Variants in CCDC192 observed in about 807,000 individuals in gnomAD.
The protein encoded by CCDC192 is coiled-coil domain-containing protein 192.
At chr5:127,926,996 G>C (rs780679549) in intron 6 of CCDC192, among the ~76,000 whole-genome samples, 21 of 152,170 alleles carry the variant, frequency 1.4e-4, no homozygotes, top group Non-Finnish European at 2.8e-4. Context: ...CAAATGTTTA[G>C]AGGTCAAGTA....
chr5:127,743,105 A>T (rs1402589493), intron 2 of CCDC192, among the ~76,000 whole-genome samples: 1 of 151,988 alleles, frequency 6.6e-6, no homozygotes, highest in East Asian at 1.9e-4. Context: ...ACAGGAGAAG[A>T]GGGGATGAGA....
At chr5:127,797,289 A>G in intron 4 of CCDC192, 55 bp downstream of exon 4, 1 of 392,338 alleles carries the variant, frequency 2.5e-6, no homozygotes, top group Non-Finnish European at 4.5e-6. Context: ...TTTTATATGA[A>G]TTGACAATCC....
intron 2 of CCDC192, among the ~76,000 whole-genome samples, chr5:127,729,483 T>C (rs1752517547): frequency 3.9e-5 from 6 of 152,182 alleles, no homozygotes; most frequent in Admixed American, 3.9e-4. Flanking sequence ...CTGACAAAGA[T>C]ATTCAGGACT....
At chr5:127,832,780 C>T (rs1266238378) in intron 5 of CCDC192, among the ~76,000 whole-genome samples, 1 of 152,120 alleles carries the variant, frequency 6.6e-6, no homozygotes, top group Non-Finnish European at 1.5e-5. Context: ...TTCATGTTCA[C>T]ATCTAGCTAA....
intron 5 of CCDC192, among the ~76,000 whole-genome samples, chr5:127,808,595 C>A (rs1268179765): frequency 6.6e-6 from 1 of 152,124 alleles, no homozygotes; most frequent in Non-Finnish European, 1.5e-5. Context: ...ACTAAGAATT[C>A]CTCTAGGTTC....
At chr5:127,724,919 G>C (rs1224175730) in intron 2 of CCDC192, among the ~76,000 whole-genome samples, 2 of 151,018 alleles carry the variant, frequency 1.3e-5, no homozygotes, top group Non-Finnish European at 2.9e-5. Flanking sequence ...ATATATACTA[G>C]GAAAATAGTA....
intron 5 of CCDC192, among the ~76,000 whole-genome samples, chr5:127,867,683 C>A (rs1158458705): frequency 6.6e-6 from 1 of 152,222 alleles, no homozygotes; most frequent in Non-Finnish European, 1.5e-5. Flanking sequence ...GATTGTAAGA[C>A]CAAGGAGATC....
chr5:127,771,561 A>C lies in CCDC192; in HGVS notation c.222+17186A>C, dbSNP rs536492040. On this transcript the variant is annotated intron_variant, in intron 3 of 6. Coordinates refer to ENST00000514853, the MANE Select transcript of CCDC192 (RefSeq NM_001317938.2). Reference sequence around the variant, plus strand: ...ATCTTTCAGAAAGAGTAAACTAGAAAATGCAGAAGTGGATTGGGGGGTAGG... The same window carrying C: ...ATCTTTCAGAAAGAGTAAACTAGAACATGCAGAAGTGGATTGGGGGGTAGG... Among the ~76,000 whole-genome samples the C allele has an allele frequency of 3.9e-5, 6 of 152,340 alleles. No individual in the cohort carries two copies. In the East Asian group the frequency reaches 1.2e-3, roughly 29 times the overall value.
chr5:127,719,103 CAATT>C (rs1751809784), intron 2 of CCDC192, among the ~76,000 whole-genome samples: 1 of 152,054 alleles, frequency 6.6e-6, no homozygotes, highest in Non-Finnish European at 1.5e-5. Flanking sequence ...TCCATGGATT[CAATT>C]GTTTTAATTT....
chr5:127,840,107 T>G (rs1484946592), intron 5 of CCDC192, among the ~76,000 whole-genome samples: 1 of 152,214 alleles, frequency 6.6e-6, no homozygotes, highest in African/African-American at 2.4e-5. Flanking sequence ...TTGAGAGGTC[T>G]GAGGGTGGCT....
At chr5:127,729,902 C>T (rs1057170772) in intron 2 of CCDC192, among the ~76,000 whole-genome samples, 11 of 152,028 alleles carry the variant, frequency 7.2e-5, no homozygotes, top group Admixed American at 1.3e-4. Context: ...GCACTAAATG[C>T]CCACATCAAA....
chr5:127,820,273 A>G (rs1456803807), intron 5 of CCDC192, among the ~76,000 whole-genome samples: 1 of 152,260 alleles, frequency 6.6e-6, no homozygotes, highest in Non-Finnish European at 1.5e-5. Flanking sequence ...GGTCAATAAT[A>G]TAAAGGCATA....
chr5:127,835,337 A>G (rs1329280038), intron 5 of CCDC192, among the ~76,000 whole-genome samples: 1 of 152,182 alleles, frequency 6.6e-6, no homozygotes, highest in African/African-American at 2.4e-5. Flanking sequence ...TCACTCTGAT[A>G]TTTTTCACTT....
At chr5:127,913,726 G>C (rs1646687079) in intron 6 of CCDC192, among the ~76,000 whole-genome samples, 2 of 152,208 alleles carry the variant, frequency 1.3e-5, no homozygotes, top group Admixed American at 6.5e-5. Flanking sequence ...TTTAGATTGG[G>C]ATCTGTTGTC....
chr5:127,722,463 A>G (rs950169054), intron 2 of CCDC192, among the ~76,000 whole-genome samples: 1 of 152,048 alleles, frequency 6.6e-6, no homozygotes, highest in African/African-American at 2.4e-5. Context: ...TTTTAATGTC[A>G]TGTGATCCCA....
chr5:127,783,600 C>T (rs535730658), intron 3 of CCDC192, among the ~76,000 whole-genome samples: 163 of 152,140 alleles, frequency 1.1e-3, no homozygotes, highest in African/African-American at 3.7e-3. Flanking sequence ...ATTCTGTGGT[C>T]GTTGGGTGGA....
intron 3 of CCDC192, among the ~76,000 whole-genome samples, chr5:127,760,212 T>C (rs1340776026): frequency 1.3e-5 from 2 of 151,816 alleles, no homozygotes; most frequent in Non-Finnish European, 2.9e-5. Context: ...ACCAGCCCTT[T>C]AGTCCACCTT....
intron 6 of CCDC192, among the ~76,000 whole-genome samples, chr5:127,886,340 CAAAG>C (rs753501364): frequency 5.3e-5 from 8 of 152,272 alleles, no homozygotes; most frequent in East Asian, 3.9e-4. Flanking sequence ...ACTTGGCAAA[CAAAG>C]GAAGGAGGAG....
chr5:127,823,786 A>G (rs1442805456), intron 5 of CCDC192, among the ~76,000 whole-genome samples: 3 of 152,212 alleles, frequency 2.0e-5, no homozygotes, highest in Non-Finnish European at 2.9e-5. Flanking sequence ...GTGCCTCTCT[A>G]CAATCGTGTT....
Sources: gnomAD v4.1 joint callset for allele counts (sites outside exome capture counted in the v4.1 genomes callset) on GRCh38, gnomAD v4.1.1 for gene constraint, MANE v1.5 for transcripts, NCBI Gene and HGNC (gene_info 2026-07-23, HGNC 2026-07-21) for gene names.